TRIM9: variants seen among roughly 807,000 people sequenced by gnomAD.
TRIM9 encodes E3 ubiquitin-protein ligase TRIM9.
A neutral mutation model predicts 78.3 loss-of-function variants in TRIM9; 26 were observed. The ratio of observed to expected loss-of-function variants is 0.33; its 90% CI spans 0.24 to 0.46. TRIM9 has a LOEUF of 0.46. TRIM9 is among the 20% of genes least tolerant of loss of function. The probability of loss-of-function intolerance (pLI) is 1.00; values close to 1 mark genes in which losing one functional copy is unlikely to be tolerated. For synonymous variants in TRIM9, 398 were observed against 416.5 expected (o/e 0.96, Z 0.54); for missense variants, 787 against 1,036.4 (o/e 0.76, Z 3.30).
At chr14:51,068,350 A>AAC (rs2061930503) in intron 1 of TRIM9, among the ~76,000 whole-genome samples, 1 of 96,948 alleles carries the variant, frequency 1.0e-5, no homozygotes, top group Non-Finnish European at 2.5e-5. Flanking sequence ...CAAAAACAAA[A>AAC]ACAAAAAACA....
At chr14:50,996,236 C>T (rs2054191825) in intron 7 of TRIM9, 10 of 985,370 alleles carry the variant, frequency 1.0e-5, no homozygotes, top group Non-Finnish European at 1.2e-5. Flanking sequence ...TTCTACAGTA[C>T]AGTTTCTTTG....
chr14:51,034,570 T>A (rs902244050), intron 1 of TRIM9, among the ~76,000 whole-genome samples: 1 of 152,206 alleles, frequency 6.6e-6, no homozygotes, highest in Non-Finnish European at 1.5e-5. Context: ...TTAAATCCTT[T>A]AAATTTGAAA....
intron 3 of TRIM9, among the ~76,000 whole-genome samples, chr14:51,017,482 T>C (rs2057327040): frequency 6.6e-6 from 1 of 152,224 alleles, no homozygotes. Context: ...ATGCAAAGCA[T>C]GCTCTTAATG....
At chr14:51,042,681 T>G (rs2059660857) in intron 1 of TRIM9, among the ~76,000 whole-genome samples, 1 of 152,176 alleles carries the variant, frequency 6.6e-6, no homozygotes, top group African/African-American at 2.4e-5. Flanking sequence ...GTTGAACATC[T>G]TCTTCCTTGG....
intron 1 of TRIM9, among the ~76,000 whole-genome samples, chr14:51,084,286 G>C (rs2063567451): frequency 6.6e-6 from 1 of 152,110 alleles, no homozygotes; most frequent in Non-Finnish European, 1.5e-5. Context: ...GGCCAGTCTG[G>C]AAATTCAGTG....
At chr14:51,005,821 G>A (rs2055714855) in intron 5 of TRIM9, among the ~76,000 whole-genome samples, 1 of 152,090 alleles carries the variant, frequency 6.6e-6, no homozygotes, top group South Asian at 2.1e-4. Context: ...ACAATTTAGG[G>A]ATATTTGAAA....
Position 51,042,899 on chromosome 14 carries a change from G to A in TRIM9, c.823-17539C>T, listed in dbSNP as rs117757398. Among the ~76,000 whole-genome samples, 6 of 152,082 alleles carry A rather than the reference G, an allele frequency of 3.9e-5. 1 individual carries two copies. The highest frequency in any genetic ancestry group is 3.9e-4 in the East Asian group (2 of 5,170). On this transcript the variant is annotated intron_variant, in intron 1 of 12. Coordinates refer to ENST00000684578, the MANE Select transcript of TRIM9 (RefSeq NM_001387360.1). ...ACCTCCCCTGCCTCCTTTAACCTTCGTTCTACTCTGTTCTAGGAATGTAGG... is the reference window on the plus strand; with the variant it reads ...ACCTCCCCTGCCTCCTTTAACCTTCATTCTACTCTGTTCTAGGAATGTAGG...
chr14:50,979,314 A>C (rs2051502143), intron 12 of TRIM9, 73 bp downstream of exon 12: 4 of 1,612,112 alleles, frequency 2.5e-6, no homozygotes, highest in Non-Finnish European at 3.4e-6. Context: ...CTTCGGTTGG[A>C]TTGAACGGCC....
At chr14:51,055,126 T>A (rs1485197807) in intron 1 of TRIM9, among the ~76,000 whole-genome samples, 1 of 152,238 alleles carries the variant, frequency 6.6e-6, no homozygotes, top group African/African-American at 2.4e-5. Flanking sequence ...CCGGCCCTTA[T>A]ACTCATTTTT....
chr14:51,086,761 AG>A (rs1257957880), intron 1 of TRIM9, among the ~76,000 whole-genome samples: 1 of 152,088 alleles, frequency 6.6e-6, no homozygotes, highest in African/African-American at 2.4e-5. Context: ...AACTGTGAAG[AG>A]GAAGGGGACT....
intron 7 of TRIM9, among the ~76,000 whole-genome samples, chr14:50,992,728 T>C (rs1246296644): frequency 6.6e-6 from 1 of 152,204 alleles, no homozygotes. Flanking sequence ...GGTGGTTTCC[T>C]TCAATGCACA....
chr14:51,062,104 T>A (rs560400286), intron 1 of TRIM9, among the ~76,000 whole-genome samples: 2 of 97,660 alleles, frequency 2.0e-5, no homozygotes, highest in East Asian at 2.1e-4. Context: ...ATAAATAAAT[T>A]ATTTATTTAT....
intron 1 of TRIM9, among the ~76,000 whole-genome samples, chr14:51,073,643 C>T (rs373388647): frequency 8.5e-5 from 13 of 152,262 alleles, no homozygotes; most frequent in African/African-American, 2.9e-4. Flanking sequence ...GGTGTGGGCG[C>T]TCTGGACTGG....
chr14:51,066,083 A>AG (rs2061708273), intron 1 of TRIM9, among the ~76,000 whole-genome samples: 39 of 69,796 alleles, frequency 5.6e-4, no homozygotes, highest in African/African-American at 1.8e-3. Flanking sequence ...GAAGGAAGGA[A>AG]GGAAGGAGGG....
chr14:50,984,802 G>C (rs939433766), intron 8 of TRIM9, among the ~76,000 whole-genome samples: 2 of 152,204 alleles, frequency 1.3e-5, no homozygotes, highest in South Asian at 4.1e-4. Flanking sequence ...TTTTATTCTT[G>C]AGACAATGTG....
At chr14:51,008,543 C>T (rs575289412) in intron 5 of TRIM9, among the ~76,000 whole-genome samples, 111 of 152,298 alleles carry the variant, frequency 7.3e-4, no homozygotes, top group African/African-American at 2.6e-3. Flanking sequence ...CTCAAAGAGA[C>T]CTTGCCATAT....
rs1263270288 is a variant in TRIM9, at chr14:50,985,950, G to A, written c.1792+6C>T. Reference sequence around the variant, plus strand: ...CAAGGGGAAAGGTCTGAGGAGCTCAGCTCACCCGGTGCATTGAGAGACTGT... The same window carrying A: ...CAAGGGGAAAGGTCTGAGGAGCTCAACTCACCCGGTGCATTGAGAGACTGT... On this transcript the variant is annotated splice_donor_region_variant and intron_variant, in intron 8 of 12. Transcript: ENST00000684578. 6.6e-7 allele frequency: 1 copy of A among 1,523,104 alleles called. No individual in the cohort carries two copies. The highest frequency in any genetic ancestry group is 1.3e-5 in the South Asian group (1 of 78,752). The allele number at this position is 1,523,104 out of a possible 1,614,324, so 94.3% of individuals were successfully genotyped here.
chr14:51,077,081 G>C (rs2062848512), intron 1 of TRIM9, among the ~76,000 whole-genome samples: 1 of 152,150 alleles, frequency 6.6e-6, no homozygotes, highest in Non-Finnish European at 1.5e-5. Flanking sequence ...TCTATTTCCT[G>C]TTTCTCCTAG....
intron 1 of TRIM9, among the ~76,000 whole-genome samples, chr14:51,061,371 C>G (rs1283948423): frequency 6.6e-6 from 1 of 150,630 alleles, no homozygotes; most frequent in Admixed American, 6.6e-5. Flanking sequence ...CGAGATCACA[C>G]CATTGCATTC....
Sources: gnomAD v4.1 joint callset for allele counts (sites outside exome capture counted in the v4.1 genomes callset) on GRCh38, gnomAD v4.1.1 for gene constraint, MANE v1.5 for transcripts, NCBI Gene and HGNC (gene_info 2026-07-23, HGNC 2026-07-21) for gene names.